RPS6KC1: variants seen among roughly 807,000 people sequenced by gnomAD.
The protein encoded by RPS6KC1 is ribosomal protein S6 kinase C1.
In RPS6KC1, 54 loss-of-function variants were observed where a neutral mutation model predicts 103.8. The ratio of observed to expected loss-of-function variants is 0.52; its 90% CI spans 0.42 to 0.65. The LOEUF (loss-of-function observed/expected upper bound fraction) is 0.65. Among genes scored for constraint, RPS6KC1 ranks in the 30% least tolerant of loss-of-function variants. The pLI, the probability that RPS6KC1 is intolerant of heterozygous loss-of-function variation, is 0.00. For synonymous variants in RPS6KC1, 439 were observed against 438.7 expected (o/e 1.00, Z -0.01); for missense variants, 1,151 against 1,253.8 (o/e 0.92, Z 1.24).
the RPS6KC1 span, among the ~76,000 whole-genome samples, chr1:213,779,401 G>T: frequency 3.9e-5 from 6 of 152,174 alleles, no homozygotes; most frequent in African/African-American, 1.4e-4. Flanking sequence ...TGGTGCTCAG[G>T]TATGACACAC....
chr1:213,456,332 T>C, the RPS6KC1 span, among the ~76,000 whole-genome samples: 1 of 152,294 alleles, frequency 6.6e-6, no homozygotes, highest in African/African-American at 2.4e-5. Flanking sequence ...AACAGACTCT[T>C]GACATACACA....
At chr1:213,371,107 C>A in the RPS6KC1 span, among the ~76,000 whole-genome samples, 1 of 152,092 alleles carries the variant, frequency 6.6e-6, no homozygotes, top group Non-Finnish European at 1.5e-5. Context: ...ACAACTCCCC[C>A]TTGCTCCTTA....
At chr1:213,165,386 A>C (rs1204302343) in intron 6 of RPS6KC1, among the ~76,000 whole-genome samples, 1 of 151,520 alleles carries the variant, frequency 6.6e-6, no homozygotes. Flanking sequence ...GCCCGCCACC[A>C]TGCCTGGCTA....
the RPS6KC1 span, among the ~76,000 whole-genome samples, chr1:213,505,019 A>G: frequency 6.6e-6 from 1 of 152,068 alleles, no homozygotes; most frequent in Non-Finnish European, 1.5e-5. Flanking sequence ...TATGGGACCC[A>G]AGATCTGGGT....
At chr1:213,817,903 T>A in the RPS6KC1 span, 1 of 152,232 alleles carries the variant, frequency 6.6e-6, no homozygotes, top group African/African-American at 2.4e-5. Context: ...GGGTCATATT[T>A]CTCACAATAT....
the RPS6KC1 span, among the ~76,000 whole-genome samples, chr1:213,440,593 T>TAAAAAAAAAA: frequency 8.0e-5 from 8 of 100,392 alleles, no homozygotes; most frequent in East Asian, 3.1e-4. Context: ...TTAATGGAAC[T>TAAAAAAAAAA]AAAAAAAAAA....
chr1:213,551,594 G>A, the RPS6KC1 span, among the ~76,000 whole-genome samples: 4 of 152,164 alleles, frequency 2.6e-5, no homozygotes, highest in African/African-American at 9.7e-5. Context: ...TAAGCAGAAC[G>A]TATAGGGAGT....
chr1:213,149,719 G>A (rs1171230190), intron 6 of RPS6KC1, among the ~76,000 whole-genome samples: 1 of 152,204 alleles, frequency 6.6e-6, no homozygotes, highest in Non-Finnish European at 1.5e-5. Context: ...CTGTCTGGAA[G>A]ATCTGTCCAA....
chr1:213,608,230 C>T, the RPS6KC1 span, among the ~76,000 whole-genome samples: 28 of 152,214 alleles, frequency 1.8e-4, no homozygotes, highest in East Asian at 5.8e-4. Context: ...GAGGTGGTGA[C>T]GGTGCCCCGG....
the RPS6KC1 span, among the ~76,000 whole-genome samples, chr1:213,443,093 T>G: frequency 6.6e-6 from 1 of 152,132 alleles, no homozygotes; most frequent in African/African-American, 2.4e-5. Flanking sequence ...AAGCCAATAT[T>G]CTGATAGAAG....
At chr1:213,197,185 G>A (rs1337868525) in intron 8 of RPS6KC1, among the ~76,000 whole-genome samples, 2 of 152,134 alleles carry the variant, frequency 1.3e-5, no homozygotes, top group African/African-American at 4.8e-5. Context: ...GGTAACTATA[G>A]CCTTGTAGTA....
chr1:213,456,321 C>T, the RPS6KC1 span, among the ~76,000 whole-genome samples: 1 of 152,094 alleles, frequency 6.6e-6, no homozygotes, highest in African/African-American at 2.4e-5. Context: ...TACTTTAATA[C>T]AACAGACTCT....
the RPS6KC1 span, among the ~76,000 whole-genome samples, chr1:213,607,684 C>T: frequency 8.4e-6 from 1 of 119,182 alleles, no homozygotes; most frequent in South Asian, 3.0e-4. Flanking sequence ...GTGACAGTTG[C>T]AATTACACAC....
chr1:213,121,752 A>G (rs1049962860), intron 5 of RPS6KC1, among the ~76,000 whole-genome samples: 1 of 152,136 alleles, frequency 6.6e-6, no homozygotes, highest in Non-Finnish European at 1.5e-5. Flanking sequence ...TTCCTAATAC[A>G]TCACTTTTCA....
At chr1:213,696,837 T>G in the RPS6KC1 span, among the ~76,000 whole-genome samples, 2 of 152,168 alleles carry the variant, frequency 1.3e-5, no homozygotes, top group African/African-American at 4.8e-5. Context: ...ATTTCTCCAG[T>G]GGACACCAGC....
the RPS6KC1 span, among the ~76,000 whole-genome samples, chr1:213,397,962 G>C: frequency 6.6e-6 from 1 of 152,104 alleles, no homozygotes; most frequent in African/African-American, 2.4e-5. Context: ...AGGCTGAAGG[G>C]GACACATGGT....
the RPS6KC1 span, among the ~76,000 whole-genome samples, chr1:213,712,225 G>T: frequency 1.3e-5 from 2 of 152,340 alleles, no homozygotes; most frequent in Admixed American, 1.3e-4. Context: ...GAGAGGAGGA[G>T]TTTATAGAGG....
the RPS6KC1 span, chr1:213,731,361 A>G: frequency 2.6e-5 from 4 of 152,224 alleles, no homozygotes; most frequent in African/African-American, 9.6e-5. Flanking sequence ...AACAATATTC[A>G]TTTTCCTATC....
intron 8 of RPS6KC1, among the ~76,000 whole-genome samples, chr1:213,206,333 A>G (rs1386143482): frequency 6.6e-6 from 1 of 152,228 alleles, no homozygotes; most frequent in East Asian, 1.9e-4. Flanking sequence ...ACAGTGCCCC[A>G]TTAAATGGCT....
Sources: gnomAD v4.1 joint callset for allele counts (sites outside exome capture counted in the v4.1 genomes callset) on GRCh38, gnomAD v4.1.1 for gene constraint, MANE v1.5 for transcripts, NCBI Gene and HGNC (gene_info 2026-07-23, HGNC 2026-07-21) for gene names.